GPC5: variants seen among roughly 807,000 people sequenced by gnomAD.
GPC5 encodes the protein glypican 5.
GPC5 carries 47 observed loss-of-function variants against 53.9 expected under a neutral mutation model. That is an observed-to-expected ratio of 0.87 (90% CI 0.69 to 1.11). GPC5 has a LOEUF of 1.11. Among genes scored for constraint, GPC5 ranks in the 50% most tolerant of loss-of-function variants. GPC5 has a pLI of 0.00. For missense variants in GPC5, 748 were observed against 713.1 expected (o/e 1.05, Z -0.56); for synonymous variants, 286 against 263.3 (o/e 1.09, Z -0.84).
At chr13:91,767,462 A>G (rs917896221) in intron 5 of GPC5, among the ~76,000 whole-genome samples, 6 of 152,242 alleles carry the variant, frequency 3.9e-5, no homozygotes, top group African/African-American at 1.4e-4. Flanking sequence ...GCTGATCTTA[A>G]TGAACTATCA....
At chr13:92,353,070 C>G (rs374456421) in intron 7 of GPC5, among the ~76,000 whole-genome samples, 10 of 151,436 alleles carry the variant, frequency 6.6e-5, no homozygotes, top group African/African-American at 2.4e-4. Flanking sequence ...ACCATCCTGG[C>G]TAACAAGGTG....
intron 7 of GPC5, among the ~76,000 whole-genome samples, chr13:92,145,281 A>G (rs1462169394): frequency 6.6e-6 from 1 of 152,152 alleles, no homozygotes. Flanking sequence ...AATGGATACT[A>G]ATTGTATATT....
intron 7 of GPC5, among the ~76,000 whole-genome samples, chr13:92,434,631 T>C (rs1306320234): frequency 6.6e-6 from 1 of 152,180 alleles, no homozygotes; most frequent in Non-Finnish European, 1.5e-5. Flanking sequence ...TCTGATACTA[T>C]ACAGGTTAAA....
At chr13:91,964,288 G>C (rs963259232) in intron 6 of GPC5, among the ~76,000 whole-genome samples, 1 of 152,184 alleles carries the variant, frequency 6.6e-6, no homozygotes, top group Non-Finnish European at 1.5e-5. Context: ...GGTGGAAAGA[G>C]ACCCCAGCAG....
At chr13:91,683,801 T>C (rs163926) in intron 2 of GPC5, among the ~76,000 whole-genome samples, 21,266 of 152,204 alleles carry the variant, frequency 0.14, 1,674 homozygotes, top group East Asian at 0.27. Flanking sequence ...TATGTGAATA[T>C]TCAGTAAATT....
Position 92,431,131 on chromosome 13 carries a change from C to T in GPC5, c.1561+286142C>T, listed in dbSNP as rs76537623. Among the ~76,000 whole-genome samples the T allele has an allele frequency of 4.2e-3, 645 of 152,232 alleles. 3 individuals are homozygous for T. Among genetic ancestry groups the T allele is most frequent in the African/African-American group, 0.014 (602 of 41,540 alleles). On this transcript the variant is annotated intron_variant, in intron 7 of 7. Coordinates refer to ENST00000377067, the MANE Select transcript of GPC5 (RefSeq NM_004466.6). ...AGATTATCGTAACATATGTAAACCA[C>T]AGAGTGTCAATCAGTCAACAAACAC...
intron 7 of GPC5, among the ~76,000 whole-genome samples, chr13:92,782,560 G>A (rs765387763): frequency 3.3e-5 from 5 of 152,102 alleles, no homozygotes; most frequent in African/African-American, 9.7e-5. Flanking sequence ...CATTGTGAGC[G>A]GAGCAGAGAA....
Position 92,456,704 on chromosome 13 carries a change from A to G in GPC5, c.1561+311715A>G, listed in dbSNP as rs551624381. On this transcript the variant is annotated intron_variant, in intron 7 of 7. Coordinates refer to ENST00000377067, the MANE Select transcript of GPC5 (RefSeq NM_004466.6). Reference sequence around the variant, plus strand: ...TGTCACCTCTTTCTCTAATTTTCTGAGGACTCTTGTCCTCCACTCTTGAAA... The same window carrying G: ...TGTCACCTCTTTCTCTAATTTTCTGGGGACTCTTGTCCTCCACTCTTGAAA... Among the ~76,000 whole-genome samples, 10 of 152,224 alleles carry G rather than the reference A, an allele frequency of 6.6e-5. No individual in the cohort carries two copies. The East Asian group carries it at 1.2e-3, about 18-fold the overall frequency.
At chr13:92,477,371 G>A (rs975871894) in intron 7 of GPC5, among the ~76,000 whole-genome samples, 1 of 152,094 alleles carries the variant, frequency 6.6e-6, no homozygotes. Context: ...AGAGTCCTCA[G>A]CCCAGTATCT....
chr13:92,203,716 C>T lies in GPC5; in HGVS notation c.1561+58727C>T, dbSNP rs2042312513. ...GCAATTGATTATGCCACTCCTTTAC[C>T]ATCCAGTCATTTGACTTTAACTTCC... On this transcript the variant is annotated intron_variant, in intron 7 of 7. Coordinates refer to ENST00000377067, the MANE Select transcript of GPC5 (RefSeq NM_004466.6). Among the ~76,000 whole-genome samples the T allele has an allele frequency of 2.0e-5, 3 of 148,632 alleles. No individual in the cohort carries two copies. The East Asian group carries it at 5.9e-4, about 29-fold the overall frequency.
At chr13:92,278,273 C>A (rs1254263495) in intron 7 of GPC5, among the ~76,000 whole-genome samples, 1 of 151,842 alleles carries the variant, frequency 6.6e-6, no homozygotes, top group African/African-American at 2.4e-5. Context: ...ACATTTAAAG[C>A]AGTAATTGCC....
intron 6 of GPC5, among the ~76,000 whole-genome samples, chr13:91,981,328 C>T (rs2040355866): frequency 1.3e-5 from 2 of 150,484 alleles, no homozygotes; most frequent in Non-Finnish European, 1.5e-5. Flanking sequence ...CTCGCTCTGT[C>T]GCCCAGGCTG....
intron 7 of GPC5, among the ~76,000 whole-genome samples, chr13:92,285,944 A>G (rs4486735): frequency 0.048 from 7,267 of 152,220 alleles, 602 homozygotes; most frequent in African/African-American, 0.17. Context: ...CTACCATCAG[A>G]GTGAACAGGC....
rs181030574 is a variant in GPC5, at chr13:91,563,550, G to A, written c.325+114628G>A. 6.6e-5 allele frequency among the ~76,000 whole-genome samples: 10 copies of A among 152,270 alleles called. No individual in the cohort carries two copies. The East Asian group carries it at 1.9e-3, about 29-fold the overall frequency. On this transcript the variant is annotated intron_variant, in intron 2 of 7. Transcript: ENST00000377067. ...TGAAACTATTAGCAACTTCACAGAA[G>A]TTTAAGCAGTATACTATGTTATAAA... is the stretch of plus-strand genomic sequence containing the variant.
At chr13:91,978,600 C>G (rs1035324392) in intron 6 of GPC5, among the ~76,000 whole-genome samples, 1 of 152,142 alleles carries the variant, frequency 6.6e-6, no homozygotes, top group Non-Finnish European at 1.5e-5. Flanking sequence ...CCATGAGACA[C>G]ACAGGAAGAC....
intron 6 of GPC5, among the ~76,000 whole-genome samples, chr13:92,082,573 A>C (rs1182474980): frequency 6.6e-6 from 1 of 152,216 alleles, no homozygotes; most frequent in African/African-American, 2.4e-5. Flanking sequence ...TTAGCAAAAA[A>C]ATAGTTTTCT....
chr13:92,549,027 C>G (rs1438591609), intron 7 of GPC5, among the ~76,000 whole-genome samples: 1 of 152,000 alleles, frequency 6.6e-6, no homozygotes, highest in Non-Finnish European at 1.5e-5. Flanking sequence ...CAATGGGCAG[C>G]CTTTCTAATA....
intron 5 of GPC5, among the ~76,000 whole-genome samples, chr13:91,897,684 G>A (rs1318833971): frequency 6.6e-6 from 1 of 152,116 alleles, no homozygotes; most frequent in African/African-American, 2.4e-5. Context: ...ATTTGCCAAA[G>A]TGAAGAAAGG....
In GPC5 at chr13:92,154,276, C is replaced by T. The variant is rs73620845; in HGVS notation, c.1561+9287C>T. Among the ~76,000 whole-genome samples the T allele has an allele frequency of 7.3e-3, 1,106 of 152,234 alleles. 25 individuals are homozygous for T. Among genetic ancestry groups the T allele is most frequent in the African/African-American group, 0.025 (1,040 of 41,532 alleles). ...CCTTCCCCATGACCCAAACACCTCC[C>T]ACCAGGCCCCAGCTCCAACACTAGG... On this transcript the variant is annotated intron_variant, in intron 7 of 7. Transcript: ENST00000377067.
Sources: gnomAD v4.1 joint callset for allele counts (sites outside exome capture counted in the v4.1 genomes callset) on GRCh38, gnomAD v4.1.1 for gene constraint, MANE v1.5 for transcripts, NCBI Gene and HGNC (gene_info 2026-07-23, HGNC 2026-07-21) for gene names.